The following MAN2A1 variants were observed in gnomAD, a reference collection of about 807,000 sequenced individuals.
MAN2A1 encodes mannosidase alpha class 2A member 1, also known as alpha-mannosidase 2.
A neutral mutation model predicts 142.6 loss-of-function variants in MAN2A1; 76 were observed. That is an observed-to-expected ratio of 0.53 (90% CI 0.44 to 0.65). MAN2A1 has a LOEUF of 0.65. Ranked by LOEUF, MAN2A1 falls within the 30% of genes least tolerant of loss-of-function variation. The pLI is 0.00. For synonymous variants in MAN2A1, 559 were observed against 473.2 expected (o/e 1.18, Z -2.35); for missense variants, 1,311 against 1,365.1 (o/e 0.96, Z 0.62).
chr5:109,831,959 AATTTT>A (rs1190122233), intron 16 of MAN2A1, among the ~76,000 whole-genome samples: 1 of 151,710 alleles, frequency 6.6e-6, no homozygotes, highest in Non-Finnish European at 1.5e-5. Flanking sequence ...CTATTTTAAT[AATTTT>A]ATTTTATAAA....
At chr5:109,747,213 AAT>A (rs1448755737) in intron 4 of MAN2A1, among the ~76,000 whole-genome samples, 1 of 152,086 alleles carries the variant, frequency 6.6e-6, no homozygotes. Context: ...ATTTTTTTTT[AAT>A]CACTGTCATT....
chr5:109,756,485 C>A (rs1370693611), intron 5 of MAN2A1, among the ~76,000 whole-genome samples: 1 of 151,660 alleles, frequency 6.6e-6, no homozygotes, highest in Admixed American at 6.6e-5. Flanking sequence ...ATTCTTAATC[C>A]CTATTTTTTC....
At chr5:109,828,565 T>C (rs915635947) in intron 16 of MAN2A1, among the ~76,000 whole-genome samples, 4 of 152,250 alleles carry the variant, frequency 2.6e-5, no homozygotes, top group African/African-American at 9.6e-5. Flanking sequence ...ACAGCTACTT[T>C]GAAGAATTAG....
At chr5:109,769,891 C>A (rs1753094966) in intron 6 of MAN2A1, among the ~76,000 whole-genome samples, 1 of 152,156 alleles carries the variant, frequency 6.6e-6, no homozygotes, top group Non-Finnish European at 1.5e-5. Flanking sequence ...CTATGCTCCA[C>A]ACTTCCTTTG....
intron 4 of MAN2A1, among the ~76,000 whole-genome samples, chr5:109,735,226 T>C (rs1324406376): frequency 1.3e-5 from 2 of 152,082 alleles, no homozygotes; most frequent in African/African-American, 4.8e-5. Context: ...ATTTGCTTGG[T>C]AGATCTTCCT....
chr5:109,781,691 A>G (rs1263498801), intron 9 of MAN2A1, 93 bp downstream of exon 9: 3 of 802,920 alleles, frequency 3.7e-6, no homozygotes, highest in Non-Finnish European at 5.6e-6. Context: ...TCATTCATGT[A>G]GTACATTATG....
chr5:109,708,951 C>G (rs993190404), intron 1 of MAN2A1, among the ~76,000 whole-genome samples: 1 of 152,212 alleles, frequency 6.6e-6, no homozygotes, highest in African/African-American at 2.4e-5. Flanking sequence ...ACCGTCTCCT[C>G]TGGAAACACT....
In MAN2A1 at chr5:109,855,212, G is replaced by A; in HGVS notation, c.3049G>A (p.Val1017Ile). Residue 1017 changes from valine (V) to isoleucine (I), a missense_variant, in exon 20 of 22, where the codon GTC (valine) becomes ATC (isoleucine). Coordinates refer to ENST00000261483, the MANE Select transcript of MAN2A1 (RefSeq NM_002372.4). ...AACTTCTTCTCTCATGAATCATCCA[G>A]TCATTCCAATGGCAAATAAGTTCTC... ...HITSSLMNHP[V>I]IPMANKFSSP... 6.2e-7 allele frequency: 1 copy of A among 1,606,830 alleles called. No individual in the cohort carries two copies. Among genetic ancestry groups the A allele is most frequent in the Non-Finnish European group, 8.5e-7 (1 of 1,177,686 alleles).
intron 3 of MAN2A1, among the ~76,000 whole-genome samples, chr5:109,727,875 T>C (rs1561480862): frequency 6.6e-6 from 1 of 152,174 alleles, no homozygotes; most frequent in Non-Finnish European, 1.5e-5. Context: ...GTTAGTACTT[T>C]GGTGAAGCTA....
intron 16 of MAN2A1, chr5:109,840,490 G>A: frequency 2.1e-6 from 1 of 484,600 alleles, no homozygotes; most frequent in East Asian, 5.9e-5. Context: ...AATCCAATTG[G>A]CTTGGTGGAA....
intron 1 of MAN2A1, among the ~76,000 whole-genome samples, chr5:109,702,315 T>TTG (rs34048618): frequency 0.16 from 22,992 of 143,942 alleles, 2,454 homozygotes; most frequent in East Asian, 0.51. Context: ...AGAACATAAA[T>TTG]TGTGTGTGTG....
At chr5:109,741,331 T>TC (rs1198994427) in intron 4 of MAN2A1, among the ~76,000 whole-genome samples, 2 of 152,198 alleles carry the variant, frequency 1.3e-5, no homozygotes, top group South Asian at 2.1e-4. Context: ...GTAATAGCAT[T>TC]CCCCCCCACT....
chr5:109,785,101 C>G (rs1168896603), intron 10 of MAN2A1, among the ~76,000 whole-genome samples, 175 bp downstream of exon 10: 1 of 152,080 alleles, frequency 6.6e-6, no homozygotes, highest in African/African-American at 2.4e-5. Context: ...AATCTGTTGA[C>G]AGAGTCCCAG....
rs1755845238 is a variant in MAN2A1 at position 109,865,047 on chromosome 5, G to A, written c.3183G>A (p.Gly1061=). Residue 1061 remains glycine (G), a synonymous_variant, in exon 21 of 22, where the codon GGG becomes GGA. Transcript: ENST00000261483. ...CTGCTCATTTGCAGGTGGGCAATGG[G>A]CACTCCAATGAGGCAGCCTTGATCC... ...LRTIQSKVGN[G]HSNEAALILH... 6.2e-7 allele frequency: 1 copy of A among 1,613,652 alleles called. No homozygotes were observed. Among genetic ancestry groups the A allele is most frequent in the East Asian group, 2.2e-5 (1 of 44,874 alleles).
intron 9 of MAN2A1, among the ~76,000 whole-genome samples, 161 bp downstream of exon 9, chr5:109,781,759 A>T (rs1428639332): frequency 6.6e-6 from 1 of 152,220 alleles, no homozygotes; most frequent in Admixed American, 6.5e-5. Flanking sequence ...TGCAATCAGA[A>T]ATACGTCTCC....
At chr5:109,790,252 T>C (rs1336808666) in intron 12 of MAN2A1, among the ~76,000 whole-genome samples, 1 of 151,874 alleles carries the variant, frequency 6.6e-6, no homozygotes, top group African/African-American at 2.4e-5. Context: ...TTGCCAATTA[T>C]AGGATAAAAC....
chr5:109,842,806 G>GTTTTTTTTTTTTTTTTTT lies in MAN2A1; in HGVS notation c.2700+362_2700+363insTTTTTTTTTTTTTTTTTT, dbSNP rs768238978. 2.5e-3 allele frequency among the ~76,000 whole-genome samples: 294 copies of GTTTTTTTTTTTTTTTTTT among 116,128 alleles called. 22 individuals are homozygous for GTTTTTTTTTTTTTTTTTT. The highest frequency in any genetic ancestry group is 5.0e-3 in the African/African-American group (154 of 30,746). The allele number at this position is 116,128 out of a possible 152,430, so 76.2% of individuals were successfully genotyped here. On this transcript the variant is annotated intron_variant, in intron 17 of 21. Coordinates refer to ENST00000261483, the MANE Select transcript of MAN2A1 (RefSeq NM_002372.4). ...GGGATTGATGGATTATACTTATTGGGTTTTTTTTTTTTTTTTTGAGAAAGA... is the reference window on the plus strand; with the variant it reads ...GGGATTGATGGATTATACTTATTGGGTTTTTTTTTTTTTTTTTTTTTTTTTTTTTTTTTTTGAGAAAGA...
intron 5 of MAN2A1, among the ~76,000 whole-genome samples, chr5:109,761,865 T>C (rs903566857): frequency 6.6e-5 from 10 of 152,076 alleles, no homozygotes; most frequent in Non-Finnish European, 8.8e-5. Flanking sequence ...ATGTAAATTG[T>C]ATTATTTTTG....
chr5:109,831,719 C>A (rs1326442976), intron 16 of MAN2A1, among the ~76,000 whole-genome samples: 1 of 152,048 alleles, frequency 6.6e-6, no homozygotes, highest in Non-Finnish European at 1.5e-5. Context: ...TCTATTTCTC[C>A]ACAGAATGTT....
Sources: gnomAD v4.1 joint callset for allele counts (sites outside exome capture counted in the v4.1 genomes callset) on GRCh38, gnomAD v4.1.1 for gene constraint, MANE v1.5 for transcripts, NCBI Gene and HGNC (gene_info 2026-07-23, HGNC 2026-07-21) for gene names.